The following COL8A1 variants were observed in gnomAD, a reference collection of about 807,000 sequenced individuals.
COL8A1 encodes collagen alpha-1(VIII) chain.
COL8A1 carries 21 observed loss-of-function variants against 42.7 expected under a neutral mutation model. The ratio of observed to expected loss-of-function variants is 0.49; its 90% CI spans 0.35 to 0.71. The LOEUF is 0.71. Ranked by LOEUF, COL8A1 falls within the 30% of genes least tolerant of loss-of-function variation. The pLI is 0.01. For synonymous variants in COL8A1, 367 were observed against 369.1 expected (o/e 0.99, Z 0.06); for missense variants, 788 against 962.4 (o/e 0.82, Z 2.40).
chr3:99,751,000 G>C (rs929170131), intron 2 of COL8A1, among the ~76,000 whole-genome samples: 1 of 152,192 alleles, frequency 6.6e-6, no homozygotes, highest in African/African-American at 2.4e-5. Flanking sequence ...ACATCTTTGA[G>C]CTGGATAGAG....
intron 2 of COL8A1, among the ~76,000 whole-genome samples, chr3:99,766,906 G>A (rs1941474567): frequency 6.6e-6 from 1 of 151,608 alleles, no homozygotes; most frequent in African/African-American, 2.4e-5. Context: ...CCAATATCGT[G>A]CCATTGCACT....
intron 1 of COL8A1, chr3:99,679,069 C>T (rs749709637): frequency 3.3e-5 from 5 of 152,132 alleles, no homozygotes; most frequent in Non-Finnish European, 5.9e-5. Context: ...CTGAGATGAG[C>T]ACCATATGTG....
chr3:99,777,330 C>T (rs920696303), intron 2 of COL8A1, among the ~76,000 whole-genome samples: 5 of 152,098 alleles, frequency 3.3e-5, no homozygotes, highest in African/African-American at 9.7e-5. Context: ...AGGCTGGTGG[C>T]GAGCTCAGGA....
intron 1 of COL8A1, among the ~76,000 whole-genome samples, chr3:99,741,813 C>T (rs1336700577): frequency 6.6e-6 from 1 of 152,198 alleles, no homozygotes; most frequent in Non-Finnish European, 1.5e-5. Context: ...ATAATGCCTG[C>T]TCCACTGTGC....
In COL8A1 at chr3:99,716,575, C is replaced by T. The variant is rs773705034; in HGVS notation, c.-128-28322C>T. 2.4e-4 allele frequency among the ~76,000 whole-genome samples: 36 copies of T among 151,880 alleles called. 1 individual carries two copies. The highest frequency in any genetic ancestry group is 4.4e-4 in the Non-Finnish European group (30 of 67,898). ...CAATCAGCATAGTCTGTCAACAATTCCAAACAAAATCAAAACCCAGACAGA... is the reference window on the plus strand; with the variant it reads ...CAATCAGCATAGTCTGTCAACAATTTCAAACAAAATCAAAACCCAGACAGA... On this transcript the variant is annotated intron_variant, in intron 1 of 3. Transcript: ENST00000652472.
At chr3:99,650,121 CT>C (rs774062443) in intron 1 of COL8A1, among the ~76,000 whole-genome samples, 1 of 152,190 alleles carries the variant, frequency 6.6e-6, no homozygotes, top group East Asian at 1.9e-4. Context: ...TGGGCTACTA[CT>C]CCCCCAAACA....
intron 1 of COL8A1, among the ~76,000 whole-genome samples, chr3:99,712,910 T>C (rs1266331972): frequency 6.6e-6 from 1 of 152,096 alleles, no homozygotes; most frequent in Non-Finnish European, 1.5e-5. Context: ...TCTCTACATT[T>C]CTCTTTTTCT....
chr3:99,641,733 C>T (rs776698333), intron 1 of COL8A1, among the ~76,000 whole-genome samples: 9 of 152,138 alleles, frequency 5.9e-5, no homozygotes, highest in Non-Finnish European at 1.0e-4. Context: ...CTCCAAGTAA[C>T]CCTCTGGGAG....
At chr3:99,658,615 C>T (rs1041419083) in intron 1 of COL8A1, among the ~76,000 whole-genome samples, 1 of 152,156 alleles carries the variant, frequency 6.6e-6, no homozygotes, top group African/African-American at 2.4e-5. Context: ...TGCAGGTACT[C>T]AGTGCTGTTA....
chr3:99,784,877 T>TA (rs1941862704), intron 2 of COL8A1, among the ~76,000 whole-genome samples: 2 of 152,196 alleles, frequency 1.3e-5, no homozygotes, highest in Admixed American at 1.3e-4. Context: ...TCAATATAGT[T>TA]AGAGTCATTA....
chr3:99,795,767 A>G lies in COL8A1; in HGVS notation c.1866A>G (p.Leu622=), dbSNP rs375160699. The change falls in exon 4 of 4, where the codon CTA becomes CTG. Residue 622 remains leucine, a synonymous_variant. Coordinates refer to ENST00000652472, the MANE Select transcript of COL8A1 (RefSeq NM_020351.4). ...AGATGCCTGCATTTACCGCCGAGCTAACCGCACCTTTCCCACCGGTGGGGG... is the reference window on the plus strand; with the variant it reads ...AGATGCCTGCATTTACCGCCGAGCTGACCGCACCTTTCCCACCGGTGGGGG... ...AYEMPAFTAE[L]TAPFPPVGAP... 50 of 1,614,030 alleles carry G rather than the reference A, an allele frequency of 3.1e-5. No individual in the cohort carries two copies. The highest frequency in any genetic ancestry group is 4.1e-5 in the Non-Finnish European group (48 of 1,180,012).
In COL8A1 at chr3:99,795,156, G is replaced by A. The variant is rs1332076609; in HGVS notation, c.1255G>A (p.Val419Ile). ...FPGPKGEGGIVGPQGPPGPKG... is the reference protein window; with the variant it reads ...FPGPKGEGGIIGPQGPPGPKG... ...TGGACCCAAAGGAGAAGGTGGGATT[G>A]TAGGGCCACAGGGGCCACCAGGTCC... Residue 419 changes from valine to isoleucine, a missense_variant, in exon 4 of 4, where the codon GTA becomes ATA. By Grantham distance (29) the Val-to-Ile change is conservative (BLOSUM62 3). Transcript: ENST00000652472. 4 of 1,613,754 alleles carry A rather than the reference G, an allele frequency of 2.5e-6. No homozygotes were observed. Among genetic ancestry groups the A allele is most frequent in the Middle Eastern group, 1.7e-4 (1 of 6,056 alleles).
chr3:99,786,073 A>T (rs1230632422), intron 2 of COL8A1, among the ~76,000 whole-genome samples: 2 of 151,802 alleles, frequency 1.3e-5, no homozygotes, highest in African/African-American at 4.9e-5. Context: ...ACATTGTAGT[A>T]AACAGGACTC....
At chr3:99,641,154 A>T (rs1207747783) in intron 1 of COL8A1, among the ~76,000 whole-genome samples, 1 of 152,012 alleles carries the variant, frequency 6.6e-6, no homozygotes, top group Non-Finnish European at 1.5e-5. Context: ...GGAGAAGAGG[A>T]TTGGGGTGAA....
At position 99,746,482 on chromosome 3, in the gene COL8A1, T is replaced by C. The variant is rs115839877; in HGVS notation, c.-4+1461T>C. On this transcript the variant is annotated intron_variant, in intron 2 of 3. Transcript: ENST00000652472. ...ATAGGCTCGGCTTCTGGATTTCTTG[T>C]AACAAAATCTTACTGCCAAGGGCAT... Among the ~76,000 whole-genome samples, 686 of 152,270 alleles carry C rather than the reference T, an allele frequency of 4.5e-3. 2 individuals are homozygous for C. The highest frequency in any genetic ancestry group is 0.015 in the African/African-American group (634 of 41,542).
At chr3:99,705,070 G>A (rs1441104104) in intron 1 of COL8A1, among the ~76,000 whole-genome samples, 12 of 152,162 alleles carry the variant, frequency 7.9e-5, no homozygotes. Context: ...CCGTACCTCA[G>A]AAATAGATGA....
intron 2 of COL8A1, among the ~76,000 whole-genome samples, chr3:99,770,852 T>C (rs1225797219): frequency 2.0e-5 from 3 of 152,230 alleles, no homozygotes; most frequent in African/African-American, 7.2e-5. Context: ...ATAAATTAAA[T>C]AAGCAGGATA....
chr3:99,767,533 G>T (rs1202940505), intron 2 of COL8A1, among the ~76,000 whole-genome samples: 1 of 151,962 alleles, frequency 6.6e-6, no homozygotes, highest in East Asian at 1.9e-4. Context: ...TGTTTTTTTG[G>T]AAAAAGAAAG....
intron 2 of COL8A1, among the ~76,000 whole-genome samples, chr3:99,777,037 C>T (rs1941707175): frequency 6.6e-6 from 1 of 152,198 alleles, no homozygotes; most frequent in Non-Finnish European, 1.5e-5. Context: ...TTCACCACAA[C>T]CTGTTTTATC....
Sources: gnomAD v4.1 joint callset for allele counts (sites outside exome capture counted in the v4.1 genomes callset) on GRCh38, gnomAD v4.1.1 for gene constraint, MANE v1.5 for transcripts, NCBI Gene and HGNC (gene_info 2026-07-23, HGNC 2026-07-21) for gene names.